The following POMGNT2 variants were observed in gnomAD, a reference collection of about 807,000 sequenced individuals.
POMGNT2 encodes protein O-linked-mannose beta-1,4-N-acetylglucosaminyltransferase 2.
POMGNT2 carries 32 observed loss-of-function variants against 37.8 expected under a neutral mutation model. That is an observed-to-expected ratio of 0.85 (90% CI 0.64 to 1.14). The LOEUF is 1.14. Ranked by LOEUF, POMGNT2 falls within the 50% of genes most tolerant of loss-of-function variation. The pLI, the probability that POMGNT2 is intolerant of heterozygous loss-of-function variation, is 0.00. For missense variants in POMGNT2, 705 were observed against 780.6 expected, an observed-to-expected ratio of 0.90 and a Z score of 1.15; for synonymous variants, 340 against 336.8, an observed-to-expected ratio of 1.01 and a Z score of -0.10.
At chr3:43,081,973 T>A (rs1234961934) in intron 1 of POMGNT2, among the ~76,000 whole-genome samples, 2 of 152,246 alleles carry the variant, frequency 1.3e-5, no homozygotes, top group Non-Finnish European at 2.9e-5. Flanking sequence ...GTTCAGCTGA[T>A]CCCTCATGAC....
Position 43,080,885 on chromosome 3 carries a change from G to C in POMGNT2, c.547C>G (p.Pro183Ala), listed in dbSNP as rs773314732. Residue 183 changes from proline to alanine, a missense_variant, in exon 2 of 2, where the codon CCC (proline) becomes GCC (alanine). Pro to Ala is a conservative substitution (Grantham distance 27, BLOSUM62 -1). Transcript: ENST00000344697. ...AGCCGTGCCTCGTGGGCCAGGCCGG[G>C]AAACTGCCGCAGGGTGTAGAAGAGT... ...LPLFYTLRQF[P>A]GLAHEARLFF... The C allele has an allele frequency of 1.9e-6, 3 of 1,614,044 alleles. No individual in the cohort carries two copies. The highest frequency in any genetic ancestry group is 2.7e-5 in the African/African-American group (2 of 74,932).
At chr3:43,103,092 G>A (rs1426042296) in intron 1 of POMGNT2, among the ~76,000 whole-genome samples, 1 of 152,150 alleles carries the variant, frequency 6.6e-6, no homozygotes, top group Admixed American at 6.5e-5. Context: ...CCCTGGTACT[G>A]TGCTGAGAGG....
intron 1 of POMGNT2, among the ~76,000 whole-genome samples, chr3:43,083,925 T>C (rs1559415979): frequency 6.6e-6 from 1 of 152,234 alleles, no homozygotes; most frequent in African/African-American, 2.4e-5. Flanking sequence ...CAACAAATTC[T>C]CTTAGTTTTC....
intron 1 of POMGNT2, among the ~76,000 whole-genome samples, chr3:43,085,890 C>T (rs1195265499): frequency 6.6e-6 from 1 of 152,126 alleles, no homozygotes; most frequent in African/African-American, 2.4e-5. Flanking sequence ...TCTCTAGCAC[C>T]ACGGTAGAAT....
At chr3:43,088,620 A>C (rs2089917631) in intron 1 of POMGNT2, among the ~76,000 whole-genome samples, 1 of 152,218 alleles carries the variant, frequency 6.6e-6, no homozygotes, top group Non-Finnish European at 1.5e-5. Context: ...AGCCGTGGCA[A>C]AGTTACCTGA....
chr3:43,097,797 C>T (rs2089990512), intron 1 of POMGNT2, among the ~76,000 whole-genome samples: 1 of 152,230 alleles, frequency 6.6e-6, no homozygotes, highest in Admixed American at 6.5e-5. Context: ...TTTGTAACTT[C>T]TGGCAATTAT....
intron 1 of POMGNT2, among the ~76,000 whole-genome samples, chr3:43,082,626 C>T (rs2089865862): frequency 6.6e-6 from 1 of 152,212 alleles, no homozygotes; most frequent in African/African-American, 2.4e-5. Flanking sequence ...GTTGAAGAAG[C>T]TCATCCTTTG....
chr3:43,095,029 C>T (rs902960200), intron 1 of POMGNT2, among the ~76,000 whole-genome samples: 2 of 152,226 alleles, frequency 1.3e-5, no homozygotes, highest in Non-Finnish European at 1.5e-5. Context: ...GTCCCTCACA[C>T]GCATACACAG....
chr3:43,090,303 C>T (rs1440981553), intron 1 of POMGNT2, among the ~76,000 whole-genome samples: 1 of 149,206 alleles, frequency 6.7e-6, no homozygotes, highest in Non-Finnish European at 1.5e-5. Context: ...CAACATCTAT[C>T]TATATATTTT....
In POMGNT2 at chr3:43,080,768, T is replaced by C; in HGVS notation, c.664A>G (p.Thr222Ala). 6.2e-7 allele frequency: 1 copy of C among 1,613,864 alleles called. No individual in the cohort carries two copies. Among genetic ancestry groups the C allele is most frequent in the Non-Finnish European group, 8.5e-7 (1 of 1,180,000 alleles). The change falls in exon 2 of 2, where the codon ACC (threonine) becomes GCC (alanine). Residue 222 changes from threonine to alanine, a missense_variant. By Grantham distance (58) the Thr-to-Ala change is moderately conservative. Coordinates refer to ENST00000344697, the MANE Select transcript of POMGNT2 (RefSeq NM_032806.6). ...KQPLLRAQLK[T>A]LGRLLCFSHA... ...GAGAAGCACAGCAGCCGGCCCAGGG[T>C]CTTCAGCTGTGCCCGCAGGAGAGGC...
At chr3:43,093,592 T>C (rs1216622673) in intron 1 of POMGNT2, among the ~76,000 whole-genome samples, 1 of 152,048 alleles carries the variant, frequency 6.6e-6, no homozygotes, top group Non-Finnish European at 1.5e-5. Context: ...GGTCCTGGAG[T>C]TCTGATTGCC....
chr3:43,097,701 T>C (rs2089990021), intron 1 of POMGNT2, among the ~76,000 whole-genome samples: 1 of 152,076 alleles, frequency 6.6e-6, no homozygotes, highest in Middle Eastern at 3.4e-3. Flanking sequence ...AACATATAAA[T>C]GGGGGGAACA....
chr3:43,098,409 G>A lies in POMGNT2; in HGVS notation c.-106+7427C>T, dbSNP rs1022546839. Among the ~76,000 whole-genome samples the A allele has an allele frequency of 2.1e-4, 32 of 151,934 alleles. No homozygotes were observed. Among genetic ancestry groups the A allele is most frequent in the African/African-American group, 7.7e-4 (32 of 41,328 alleles). ...ATGGAACTGGTATTAATAACATAAT[G>A]CTTACATTTGCTCCTAAATTAAATA... is the stretch of plus-strand genomic sequence containing the variant. On this transcript the variant is annotated intron_variant, in intron 1 of 1. Coordinates refer to ENST00000344697, the MANE Select transcript of POMGNT2 (RefSeq NM_032806.6). This position sits in a 1 kb window ranked among gnomAD's most constrained non-coding sequence, Gnocchi z 4.3.
intron 1 of POMGNT2, among the ~76,000 whole-genome samples, chr3:43,085,276 G>A (rs560980198): frequency 5.3e-5 from 8 of 152,258 alleles, no homozygotes; most frequent in Admixed American, 5.2e-4. Context: ...GGGGCAGCTG[G>A]TTACCCCTAG....
intron 1 of POMGNT2, among the ~76,000 whole-genome samples, chr3:43,092,863 C>A (rs540682512): frequency 1.3e-5 from 2 of 152,236 alleles, no homozygotes; most frequent in African/African-American, 4.8e-5. Flanking sequence ...AGAAATAAAT[C>A]GATATTCAGG....
At chr3:43,082,753 A>C (rs2089866718) in intron 1 of POMGNT2, among the ~76,000 whole-genome samples, 1 of 152,228 alleles carries the variant, frequency 6.6e-6, no homozygotes, top group South Asian at 2.1e-4. Context: ...CCTCCCTGCA[A>C]TGAAAAGAAT....
intron 1 of POMGNT2, among the ~76,000 whole-genome samples, chr3:43,093,170 T>C (rs1404573981): frequency 3.3e-5 from 5 of 152,164 alleles, no homozygotes; most frequent in Admixed American, 3.3e-4. Flanking sequence ...AGGGTCCACA[T>C]CTGGACCTGG....
intron 1 of POMGNT2, among the ~76,000 whole-genome samples, chr3:43,086,112 C>CT (rs1371942917): frequency 2.6e-5 from 4 of 151,990 alleles, no homozygotes; most frequent in African/African-American, 7.3e-5. Context: ...TGGCATCCTG[C>CT]TTTTTTTTAA....
intron 1 of POMGNT2, among the ~76,000 whole-genome samples, chr3:43,086,508 C>T (rs2089898873): frequency 6.6e-6 from 1 of 152,214 alleles, no homozygotes; most frequent in Non-Finnish European, 1.5e-5. Flanking sequence ...GTTTCAACAA[C>T]ACCTGTATGC....
Sources: allele counts gnomAD v4.1 joint callset (sites outside exome capture counted in the v4.1 genomes callset), GRCh38; gene constraint gnomAD v4.1.1; non-coding constraint Gnocchi (gnomAD v3.1); transcripts MANE v1.5; gene names NCBI Gene and HGNC (gene_info 2026-07-23, HGNC 2026-07-21).